Variants in CHEK2 observed in about 807,000 individuals in gnomAD.
The protein encoded by CHEK2 is serine/threonine-protein kinase Chk2.
CHEK2 carries 71 observed loss-of-function variants against 69.1 expected under a neutral mutation model. The observed-to-expected ratio is 1.03, with a 90% CI of 0.85 to 1.25. CHEK2 has a LOEUF of 1.25. Ranked by LOEUF, CHEK2 falls within the 50% of genes most tolerant of loss-of-function variation. CHEK2 has a pLI of 0.00. For missense variants in CHEK2, 664 were observed against 649.6 expected (o/e 1.02, Z -0.24); for synonymous variants, 189 against 226.9 (o/e 0.83, Z 1.50).
intron 2 of CHEK2, among the ~76,000 whole-genome samples, chr22:28,732,180 C>T (rs1208494039): frequency 1.3e-5 from 2 of 151,874 alleles, no homozygotes; most frequent in East Asian, 1.9e-4. Context: ...GGCGAGATCT[C>T]GGTTCACTGC....
chr22:28,697,603 TC>T (rs1211177465), intron 9 of CHEK2, among the ~76,000 whole-genome samples: 5 of 151,688 alleles, frequency 3.3e-5, no homozygotes, highest in Non-Finnish European at 7.4e-5. Flanking sequence ...AAGGTCTCAC[TC>T]TGTCCCCCAG....
At chr22:28,690,366 C>T (rs9625532) in intron 13 of CHEK2, among the ~76,000 whole-genome samples, 20,617 of 151,988 alleles carry the variant, frequency 0.14, 1,629 homozygotes, top group African/African-American at 0.19. Flanking sequence ...CGGAGGCTCA[C>T]GCCTGTAATC....
chr22:28,688,288 G>C (rs981994031), intron 14 of CHEK2, among the ~76,000 whole-genome samples: 1 of 152,132 alleles, frequency 6.6e-6, no homozygotes, highest in African/African-American at 2.4e-5. Flanking sequence ...AGTTTAAAAG[G>C]ACTATAATAC....
At chr22:28,688,021 G>C (rs1363912801) in intron 14 of CHEK2, 35 bp from the exon 15 acceptor site, 1 of 1,448,234 alleles carries the variant, frequency 6.9e-7, no homozygotes, top group Non-Finnish European at 9.5e-7. Context: ...ATGTTCAAAA[G>C]AAAATCACTG....
chr22:28,698,118 C>G (rs576763931), intron 9 of CHEK2, among the ~76,000 whole-genome samples: 1 of 150,222 alleles, frequency 6.7e-6, no homozygotes, highest in East Asian at 2.0e-4. Context: ...TGGGCGGGCA[C>G]GGTGGCTCAT....
rs1480956379 is a variant in CHEK2 at position 28,710,066 on chromosome 22, TAA to T, written c.793-9_793-8del. The T allele has an allele frequency of 1.3e-6, 2 of 1,541,148 alleles. No homozygotes were observed. The highest frequency in any genetic ancestry group is 2.7e-5 in the African/African-American group (2 of 73,330). On this transcript the variant is annotated splice_polypyrimidine_tract_variant and splice_region_variant and intron_variant, in intron 6 of 14. Transcript: ENST00000404276. ...CAACATTGAGAGCTGGGTCCTTTGA[TAA>T]ACAGAATAACAGAGTTTATTAGTAA...
intron 4 of CHEK2, among the ~76,000 whole-genome samples, chr22:28,722,516 G>T (rs1387131523): frequency 2.0e-5 from 3 of 146,886 alleles, no homozygotes; most frequent in Admixed American, 1.4e-4. Flanking sequence ...CTCCAGCCTG[G>T]GCGATAGAGC....
rs779457035 is a variant in CHEK2 at position 28,711,959 on chromosome 22, T to C, written c.742A>G (p.Ile248Val). Residue 248 changes from isoleucine (I) to valine (V), a missense_variant, in exon 6 of 15, where the codon ATA becomes GTA. Ile to Val is a conservative substitution (Grantham distance 29). Coordinates refer to ENST00000404276, the MANE Select transcript of CHEK2 (RefSeq NM_007194.4). ...FERKTCKKVA[I>V]KIISKRKFAI... Reference sequence around the variant, plus strand: ...AACTTCCTTTTGCTGATGATCTTTATGGCTACTTTCTTACATGTTTTCCTC... The same window carrying C: ...AACTTCCTTTTGCTGATGATCTTTACGGCTACTTTCTTACATGTTTTCCTC... The C allele has an allele frequency of 3.1e-6, 5 of 1,614,066 alleles. No homozygotes were observed. Among genetic ancestry groups the C allele is most frequent in the Non-Finnish European group, 4.2e-6 (5 of 1,179,976 alleles).
Position 28,725,383 on chromosome 22 carries a change from A to C in CHEK2, c.320-16T>G, listed in dbSNP as rs773890954. On this transcript the variant is annotated splice_polypyrimidine_tract_variant and intron_variant, in intron 2 of 14. Coordinates refer to ENST00000404276, the MANE Select transcript of CHEK2 (RefSeq NM_007194.4). Reference sequence around the variant, plus strand: ...TTCACACATTCTGTAATATAAAAGCATGCATCAGAGGGCTGTTGAATTTCA... The same window carrying C: ...TTCACACATTCTGTAATATAAAAGCCTGCATCAGAGGGCTGTTGAATTTCA... The C allele has an allele frequency of 6.2e-7, 1 of 1,614,116 alleles. No homozygotes were observed.
chr22:28,731,785 C>T (rs928901687), intron 2 of CHEK2, among the ~76,000 whole-genome samples: 4 of 152,084 alleles, frequency 2.6e-5, no homozygotes, highest in Middle Eastern at 3.2e-3. Flanking sequence ...ACCTCTGCTG[C>T]TCTAAGAGCT....
chr22:28,716,582 T>C (rs913652249), intron 5 of CHEK2, among the ~76,000 whole-genome samples: 5 of 152,206 alleles, frequency 3.3e-5, no homozygotes, highest in Non-Finnish European at 7.3e-5. Context: ...GAATTCAGTA[T>C]CAGTAAACTA....
chr22:28,730,950 T>G (rs907328398), intron 2 of CHEK2, among the ~76,000 whole-genome samples: 5 of 152,138 alleles, frequency 3.3e-5, no homozygotes, highest in Non-Finnish European at 1.5e-5. Context: ...ATGCCTGTAA[T>G]CCTAACACTT....
chr22:28,741,229 A>T (rs1029308564), intron 1 of CHEK2, among the ~76,000 whole-genome samples: 25 of 151,190 alleles, frequency 1.7e-4, no homozygotes, highest in Admixed American at 7.9e-4. Flanking sequence ...AATTTTTTTT[A>T]AAAATTCCAG....
intron 3 of CHEK2, 47 bp from the exon 4 acceptor site, chr22:28,725,171 A>C (rs1275885267): frequency 6.2e-7 from 1 of 1,613,928 alleles, no homozygotes; most frequent in Non-Finnish European, 8.5e-7. Flanking sequence ...GCAGAGATTT[A>C]TAGTGGGAAA....
chr22:28,731,652 A>G (rs1213586322), intron 2 of CHEK2, among the ~76,000 whole-genome samples: 4 of 152,066 alleles, frequency 2.6e-5, no homozygotes, highest in African/African-American at 9.7e-5. Flanking sequence ...CACCTACTTT[A>G]TGCTGGTCAT....
chr22:28,721,215 T>C (rs1450141613), intron 4 of CHEK2, among the ~76,000 whole-genome samples: 3 of 152,146 alleles, frequency 2.0e-5, no homozygotes, highest in Non-Finnish European at 2.9e-5. Flanking sequence ...AAAACAGAGA[T>C]TTATTGTACA....
In CHEK2 at chr22:28,730,396, A is replaced by G. The variant is rs565857350; in HGVS notation, c.319+4007T>C. 4.4e-4 allele frequency: 251 copies of G among 575,806 alleles called. 1 individual carries two copies. The highest frequency in any genetic ancestry group is 6.3e-4 in the Non-Finnish European group (196 of 312,052). The allele number at this position is 575,806 out of a possible 1,614,324, so 35.7% of individuals were successfully genotyped here. A position where few individuals can be genotyped will look rare whatever the true frequency, so the allele number is the denominator to read the frequency against. The stretch of plus-strand genomic sequence containing the variant: ...AAAAGGGAAAGAGAAAGGGAAAGGG[A>G]AAGACCCACAGCTAACATCATACTT... On this transcript the variant is annotated intron_variant, in intron 2 of 14. Transcript: ENST00000404276.
In CHEK2 at chr22:28,696,252, T is replaced by A. The variant is rs17881221; in HGVS notation, c.1096-379A>T. Among the ~76,000 whole-genome samples the A allele has an allele frequency of 2.5e-3, 386 of 152,326 alleles. 1 individual carries two copies. Among genetic ancestry groups the A allele is most frequent in the African/African-American group, 8.8e-3 (368 of 41,584 alleles). ...CCTGGGGAGCTTGGAAACACATGCT[T>A]ATACCTGAGTGCCACTCTCAGCTTC... On this transcript the variant is annotated intron_variant, in intron 10 of 14. Coordinates refer to ENST00000404276, the MANE Select transcript of CHEK2 (RefSeq NM_007194.4).
chr22:28,692,231 C>T (rs1301921013), intron 13 of CHEK2, among the ~76,000 whole-genome samples: 1 of 152,224 alleles, frequency 6.6e-6, no homozygotes, highest in African/African-American at 2.4e-5. Context: ...TCCTGTACCT[C>T]TACATTTAGA....
Sources: allele counts gnomAD v4.1 joint callset (sites outside exome capture counted in the v4.1 genomes callset), GRCh38; gene constraint gnomAD v4.1.1; transcripts MANE v1.5; gene names NCBI Gene and HGNC (gene_info 2026-07-23, HGNC 2026-07-21).